LRP1B: variants seen among roughly 807,000 people sequenced by gnomAD.
LRP1B encodes the protein LDL receptor related protein 1B, also known as low-density lipoprotein receptor-related protein 1B.
In LRP1B, 217 loss-of-function variants were observed where a neutral mutation model predicts 556.6. That is an observed-to-expected ratio of 0.39 (90% CI 0.35 to 0.44). The LOEUF (loss-of-function observed/expected upper bound fraction) is 0.44. Ranked by LOEUF, LRP1B falls within the 20% of genes least tolerant of loss-of-function variation. The pLI, the probability that LRP1B is intolerant of heterozygous loss-of-function variation, is 1.00. For missense variants in LRP1B, 5,053 were observed against 5,620.8 expected (o/e 0.90, Z 3.23); for synonymous variants, 2,047 against 1,865.8 (o/e 1.10, Z -2.50).
intron 1 of LRP1B, among the ~76,000 whole-genome samples, chr2:141,902,833 T>A (rs368595223): frequency 6.6e-6 from 1 of 152,010 alleles, no homozygotes; most frequent in African/African-American, 2.4e-5. Flanking sequence ...AACTCTGCAG[T>A]AACTATAGCA....
At chr2:141,116,564 G>T (rs983946528) in intron 7 of LRP1B, among the ~76,000 whole-genome samples, 1 of 151,958 alleles carries the variant, frequency 6.6e-6, no homozygotes, top group Admixed American at 6.6e-5. Flanking sequence ...TAGTAGGCTC[G>T]CCATCCCCAT....
At chr2:140,512,946 TA>T (rs1467991539) in intron 51 of LRP1B, among the ~76,000 whole-genome samples, 3 of 152,096 alleles carry the variant, frequency 2.0e-5, no homozygotes, top group African/African-American at 7.2e-5. Context: ...AGTTAGTACA[TA>T]AAATACAGCT....
chr2:140,684,600 G>A (rs1685982051), intron 41 of LRP1B, among the ~76,000 whole-genome samples: 1 of 152,098 alleles, frequency 6.6e-6, no homozygotes, highest in Non-Finnish European at 1.5e-5. Context: ...GATACATTTT[G>A]TTTTTAGCTA....
chr2:141,073,762 A>T (rs761830395), intron 7 of LRP1B, among the ~76,000 whole-genome samples: 1 of 152,088 alleles, frequency 6.6e-6, no homozygotes, highest in Non-Finnish European at 1.5e-5. Context: ...AAACGAAGGC[A>T]TTCATCCTTC....
intron 51 of LRP1B, among the ~76,000 whole-genome samples, chr2:140,513,393 T>C (rs1689747346): frequency 6.6e-6 from 1 of 152,074 alleles, no homozygotes; most frequent in Non-Finnish European, 1.5e-5. Flanking sequence ...ATTTTAGAGA[T>C]TGAAACAGTG....
chr2:141,308,902 A>G (rs1686702561), intron 3 of LRP1B, among the ~76,000 whole-genome samples: 1 of 152,176 alleles, frequency 6.6e-6, no homozygotes, highest in Non-Finnish European at 1.5e-5. Flanking sequence ...ATTTGCAAGA[A>G]ACTTTCACAT....
chr2:142,059,515 A>T (rs2104888957), intron 1 of LRP1B, among the ~76,000 whole-genome samples: 1 of 146,214 alleles, frequency 6.8e-6, no homozygotes, highest in East Asian at 2.1e-4. Flanking sequence ...CCCTTACCTA[A>T]TCCTGCAAAA....
intron 2 of LRP1B, among the ~76,000 whole-genome samples, chr2:141,659,574 CAG>C (rs1222262458): frequency 6.6e-6 from 1 of 151,994 alleles, no homozygotes; most frequent in Non-Finnish European, 1.5e-5. Context: ...GCAAGAAATA[CAG>C]AGTCAAAGCA....
intron 7 of LRP1B, among the ~76,000 whole-genome samples, chr2:141,187,818 A>G (rs1283121686): frequency 6.6e-6 from 1 of 151,960 alleles, no homozygotes; most frequent in Non-Finnish European, 1.5e-5. Context: ...TATTTAACCA[A>G]TAAAGTAGCT....
At chr2:141,087,427 A>G (rs569788040) in intron 7 of LRP1B, among the ~76,000 whole-genome samples, 1 of 152,282 alleles carries the variant, frequency 6.6e-6, no homozygotes, top group East Asian at 1.9e-4. Context: ...GGTTACTTTC[A>G]ATATCTTAGT....
chr2:140,583,758 T>C (rs1212937086), intron 43 of LRP1B, among the ~76,000 whole-genome samples: 1 of 144,216 alleles, frequency 6.9e-6, no homozygotes, highest in African/African-American at 2.5e-5. Flanking sequence ...TAATTTAGCA[T>C]CTTGATTTTT....
At chr2:141,438,444 C>T (rs766970016) in intron 3 of LRP1B, among the ~76,000 whole-genome samples, 16 of 152,188 alleles carry the variant, frequency 1.1e-4, no homozygotes, top group South Asian at 1.0e-3. Context: ...GTAGAATACA[C>T]GCATTTTTCA....
intron 5 of LRP1B, among the ~76,000 whole-genome samples, chr2:141,237,976 A>T (rs1683706133): frequency 6.6e-6 from 1 of 152,164 alleles, no homozygotes; most frequent in South Asian, 2.1e-4. Flanking sequence ...GAATTAACAC[A>T]TTGTAAAATA....
chr2:141,389,627 T>G (rs62165754), intron 3 of LRP1B, among the ~76,000 whole-genome samples: 83,462 of 151,946 alleles, frequency 0.55, 24,539 homozygotes, highest in Non-Finnish European at 0.67. Flanking sequence ...ACAAAACAGA[T>G]AAACTGGACT....
intron 51 of LRP1B, among the ~76,000 whole-genome samples, chr2:140,513,367 A>T (rs1689746221): frequency 6.6e-6 from 1 of 152,092 alleles, no homozygotes; most frequent in South Asian, 2.1e-4. Flanking sequence ...GTTTAACAAA[A>T]GTCAAAAGTA....
At chr2:140,773,563 T>A (rs1047593047) in intron 33 of LRP1B, among the ~76,000 whole-genome samples, 1 of 151,934 alleles carries the variant, frequency 6.6e-6, no homozygotes, top group African/African-American at 2.4e-5. Context: ...GGTCTGGGGC[T>A]GTATATTTTT....
At chr2:141,038,212 T>G (rs1211674949) in intron 11 of LRP1B, among the ~76,000 whole-genome samples, 1 of 151,754 alleles carries the variant, frequency 6.6e-6, no homozygotes, top group East Asian at 1.9e-4. Context: ...ATGCAACAAA[T>G]ACGCCCTCCA....
Position 140,815,194 on chromosome 2 carries a change from A to C in LRP1B, c.5210-1388T>G, listed in dbSNP as rs139559474. Among the ~76,000 whole-genome samples, 317 of 152,278 alleles carry C rather than the reference A, an allele frequency of 2.1e-3. 1 individual carries two copies. The highest frequency in any genetic ancestry group is 7.0e-3 in the African/African-American group (290 of 41,564). ...GAAGGGCAGATGATTGAAGAGACAC[A>C]CAGATTCAAGTGCACTGAGAAAAGG... On this transcript the variant is annotated intron_variant, in intron 31 of 90. Coordinates refer to ENST00000389484, the MANE Select transcript of LRP1B (RefSeq NM_018557.3).
intron 1 of LRP1B, among the ~76,000 whole-genome samples, chr2:141,982,178 G>A (rs1702062709): frequency 6.6e-6 from 1 of 151,742 alleles, no homozygotes; most frequent in South Asian, 2.1e-4. Context: ...AATCCGTACA[G>A]TTCTCCGTAG....
Sources: allele counts gnomAD v4.1 joint callset (sites outside exome capture counted in the v4.1 genomes callset), GRCh38; gene constraint gnomAD v4.1.1; transcripts MANE v1.5; gene names NCBI Gene and HGNC (gene_info 2026-07-23, HGNC 2026-07-21).